Variants in ADAM19 observed in about 807,000 individuals in gnomAD.
ADAM19 encodes ADAM metallopeptidase domain 19.
Under a neutral mutation model 114.7 loss-of-function variants are expected in ADAM19, and 65 were observed. The observed-to-expected ratio is 0.57, with a 90% CI of 0.46 to 0.70. The LOEUF is 0.70. Among genes scored for constraint, ADAM19 ranks in the 30% least tolerant of loss-of-function variants. ADAM19 has a pLI of 0.00. For missense variants in ADAM19, 1,063 were observed against 1,204.7 expected, an observed-to-expected ratio of 0.88 and a Z score of 1.74; for synonymous variants, 466 against 460.5, an observed-to-expected ratio of 1.01 and a Z score of -0.15.
intron 12 of ADAM19, 139 bp from the exon 13 acceptor site, chr5:157,499,801 G>A (rs1453337345): frequency 1.6e-6 from 1 of 613,088 alleles, no homozygotes; most frequent in East Asian, 2.8e-5. Context: ...TTTTGAGAGG[G>A]AGTCTCGATC....
intron 13 of ADAM19, among the ~76,000 whole-genome samples, chr5:157,498,621 A>G (rs994281959): frequency 6.6e-6 from 1 of 151,884 alleles, no homozygotes; most frequent in Non-Finnish European, 1.5e-5. Flanking sequence ...AGATTTAGAA[A>G]GCAGATATTG....
In ADAM19 at chr5:157,537,931, G is replaced by T; in HGVS notation, c.312C>A (p.Thr104=). ...THYTSSGNPQ[T]TTRKLEDHCF... is the part of the protein sequence containing the mutation. ...AACTCACCTCCAATTTCCGTGTGGT[G>T]GTTTGAGGGTTACCACTTGAAGTAT... Residue 104 remains threonine (T), a synonymous_variant, in exon 4 of 23, where the codon ACC becomes ACA. Coordinates refer to ENST00000257527, the MANE Select transcript of ADAM19 (RefSeq NM_033274.5). 1.2e-6 allele frequency: 2 copies of T among 1,613,934 alleles called. No homozygotes were observed. The highest frequency in any genetic ancestry group is 1.7e-6 in the Non-Finnish European group (2 of 1,179,924).
chr5:157,533,846 G>A, intron 4 of ADAM19, among the ~76,000 whole-genome samples: 1 of 152,070 alleles, frequency 6.6e-6, no homozygotes, highest in East Asian at 1.9e-4. Context: ...GTGCACTCCT[G>A]TCGTCCCAGC....
At chr5:157,558,083 A>C (rs139154286) in intron 3 of ADAM19, among the ~76,000 whole-genome samples, 14 of 152,234 alleles carry the variant, frequency 9.2e-5, no homozygotes, top group Non-Finnish European at 1.8e-4. Context: ...ATTAGAAACT[A>C]CATCTCAAAC....
At chr5:157,497,716 T>C (rs1755411100) in intron 13 of ADAM19, among the ~76,000 whole-genome samples, 1 of 152,206 alleles carries the variant, frequency 6.6e-6, no homozygotes, top group Admixed American at 6.5e-5. Context: ...CGTGGGATCC[T>C]CACAGCTTCC....
In ADAM19 at chr5:157,479,166, C is replaced by CA. The variant is rs1434990292; in HGVS notation, c.*1782dup. The CA allele has an allele frequency of 5.1e-6, 5 of 985,782 alleles. No individual in the cohort carries two copies. Among genetic ancestry groups the CA allele is most frequent in the Non-Finnish European group, 6.0e-6 (5 of 829,978 alleles). The allele number at this position is 985,782 out of a possible 1,614,324, so 61.1% of individuals were successfully genotyped here. On this transcript the variant is annotated 3_prime_UTR_variant, in exon 23 of 23. Coordinates refer to ENST00000257527, the MANE Select transcript of ADAM19 (RefSeq NM_033274.5). ...GCAAGGACATGGGGAACCTGTATCA[C>CA]AGCCACCCTGAGGGAAGAGAAACTC...
At chr5:157,514,685 T>G (rs1193316827) in intron 7 of ADAM19, among the ~76,000 whole-genome samples, 4 of 151,084 alleles carry the variant, frequency 2.6e-5, no homozygotes. Context: ...TAGAAATATC[T>G]GCCATGGGTA....
In ADAM19 at chr5:157,526,171, T is replaced by C. The variant is rs201731353; in HGVS notation, c.407+4636A>G. Among the ~76,000 whole-genome samples the C allele has an allele frequency of 8.1e-3, 1,200 of 147,822 alleles. 16 individuals are homozygous for C. Among genetic ancestry groups the C allele is most frequent in the African/African-American group, 0.028 (1,111 of 39,058 alleles). ...ATGTTCATATATACATATATATATA[T>C]ATACACACACACACACACACACACA... is the stretch of plus-strand genomic sequence containing the variant. On this transcript the variant is annotated intron_variant, in intron 5 of 22. Transcript: ENST00000257527.
intron 3 of ADAM19, 129 bp from the exon 4 acceptor site, chr5:157,538,120 C>A (rs910116921): frequency 1.7e-6 from 1 of 588,608 alleles, no homozygotes; most frequent in Non-Finnish European, 2.9e-6. Flanking sequence ...AACTAGGCAG[C>A]CACAAGGGGC....
intron 3 of ADAM19, among the ~76,000 whole-genome samples, chr5:157,558,299 C>G (rs1229009268): frequency 5.3e-5 from 8 of 152,352 alleles, no homozygotes; most frequent in African/African-American, 1.7e-4. Flanking sequence ...ACTGTTTCCT[C>G]AGCACCTGTC....
Position 157,494,776 on chromosome 5 carries a change from G to A in ADAM19, c.1614C>T (p.Asp538=). ...LWGPGARPAP[D]LCFEKVNVAG... ...CCACATTCACCTTCTCGAAGCAGAG[G>A]TCAGGGGCAGGTCGGGCTCCTGGGT... The change falls in exon 15 of 23, where the codon GAC becomes GAT. Residue 538 remains aspartate (D), a synonymous_variant. Coordinates refer to ENST00000257527, the MANE Select transcript of ADAM19 (RefSeq NM_033274.5). The A allele has an allele frequency of 1.9e-6, 3 of 1,613,752 alleles. No homozygotes were observed. The highest frequency in any genetic ancestry group is 8.5e-7 in the Non-Finnish European group (1 of 1,179,738).
rs1055291083 is a variant in ADAM19 at position 157,519,004 on chromosome 5, T to C, written c.601-116A>G. 39 of 859,210 alleles carry C rather than the reference T, an allele frequency of 4.5e-5. 1 individual carries two copies. Among genetic ancestry groups the C allele is most frequent in the Admixed American group, 4.4e-4 (22 of 50,550 alleles). 53.2% of individuals were successfully genotyped at this position (859,210 alleles called of 1,614,324 possible). Reference sequence around the variant, plus strand: ...AGCAGCTACCTCCGTAATGATTTTGTCATTCGGCACTAGAGATGTTCTTGG... The same window carrying C: ...AGCAGCTACCTCCGTAATGATTTTGCCATTCGGCACTAGAGATGTTCTTGG... On this transcript the variant is annotated intron_variant, in intron 6 of 22. Coordinates refer to ENST00000257527, the MANE Select transcript of ADAM19 (RefSeq NM_033274.5).
At chr5:157,531,072 G>A (rs1756610173) in intron 4 of ADAM19, among the ~76,000 whole-genome samples, 189 bp from the exon 5 acceptor site, 1 of 152,106 alleles carries the variant, frequency 6.6e-6, no homozygotes, top group African/African-American at 2.4e-5. Flanking sequence ...TAGGAGACGG[G>A]GCAGGGAAGA....
At chr5:157,553,314 T>C (rs1757256009) in intron 3 of ADAM19, among the ~76,000 whole-genome samples, 1 of 152,218 alleles carries the variant, frequency 6.6e-6, no homozygotes, top group African/African-American at 2.4e-5. Flanking sequence ...ACACTTACTA[T>C]GTATGTACTC....
At chr5:157,520,175 CT>C (rs1756237582) in intron 5 of ADAM19, 144 bp from the exon 6 acceptor site, 1 of 711,668 alleles carries the variant, frequency 1.4e-6, no homozygotes, top group African/African-American at 1.8e-5. Context: ...CCATGTACCC[CT>C]TCGTGAGACT....
chr5:157,541,358 T>C (rs1048362645), intron 3 of ADAM19, among the ~76,000 whole-genome samples: 2 of 152,234 alleles, frequency 1.3e-5, no homozygotes, highest in African/African-American at 4.8e-5. Context: ...TCCTTTTTTC[T>C]AGCTTTAAAA....
chr5:157,520,243 G>T (rs545499053), intron 5 of ADAM19, among the ~76,000 whole-genome samples: 22 of 152,226 alleles, frequency 1.4e-4, no homozygotes, highest in Non-Finnish European at 2.4e-4. Context: ...AAAAAGTGGT[G>T]CATGAGCTCA....
intron 3 of ADAM19, among the ~76,000 whole-genome samples, chr5:157,560,874 A>C (rs1757491342): frequency 2.0e-5 from 3 of 152,276 alleles, no homozygotes; most frequent in African/African-American, 7.2e-5. Context: ...AGCAAGAAAT[A>C]ATCATAGCTA....
At chr5:157,487,010 C>T (rs1332003883) in intron 21 of ADAM19, among the ~76,000 whole-genome samples, 1 of 152,106 alleles carries the variant, frequency 6.6e-6, no homozygotes, top group Non-Finnish European at 1.5e-5. Flanking sequence ...AGGGCGGCCA[C>T]CTGCAAGCCA....
Sources: gnomAD v4.1 joint callset for allele counts (sites outside exome capture counted in the v4.1 genomes callset) on GRCh38, gnomAD v4.1.1 for gene constraint, MANE v1.5 for transcripts, NCBI Gene and HGNC (gene_info 2026-07-23, HGNC 2026-07-21) for gene names.